The following RBM19 variants were observed in gnomAD, a reference collection of about 807,000 sequenced individuals.
The protein encoded by RBM19 is probable RNA-binding protein 19.
In RBM19, 94 loss-of-function variants were observed where a neutral mutation model predicts 116.8. The observed-to-expected ratio is 0.80, with a 90% CI of 0.68 to 0.95. RBM19 has a LOEUF of 0.95. RBM19 is among the 40% of genes least tolerant of loss of function. The probability of loss-of-function intolerance (pLI) is 0.00; values close to 1 mark genes in which losing one functional copy is unlikely to be tolerated. For missense variants in RBM19, 1,161 were observed against 1,220.7 expected (o/e 0.95, Z 0.73); for synonymous variants, 475 against 494.1 (o/e 0.96, Z 0.51).
chr12:113,951,335 GAT>G (rs577170324), intron 8 of RBM19, among the ~76,000 whole-genome samples: 128 of 152,242 alleles, frequency 8.4e-4, no homozygotes, highest in Admixed American at 5.6e-3. Flanking sequence ...TGACAACTCA[GAT>G]ATGTTTCTTC....
At chr12:113,906,900 C>T (rs979481401) in intron 21 of RBM19, among the ~76,000 whole-genome samples, 4 of 152,054 alleles carry the variant, frequency 2.6e-5, no homozygotes, top group Admixed American at 6.5e-5. Context: ...ATGCAATGCC[C>T]GGTGTCCTTA....
At chr12:113,855,402 T>G (rs1877815053) in intron 22 of RBM19, among the ~76,000 whole-genome samples, 1 of 152,228 alleles carries the variant, frequency 6.6e-6, no homozygotes, top group African/African-American at 2.4e-5. Flanking sequence ...CCTTTCAGCC[T>G]ATCCTGGTCC....
chr12:113,963,841 C>T (rs1872675416), intron 1 of RBM19, among the ~76,000 whole-genome samples: 5 of 152,242 alleles, frequency 3.3e-5, no homozygotes, highest in Non-Finnish European at 2.9e-5. Context: ...ACAAATTTCT[C>T]ACAGCCTTCT....
chr12:113,823,290 C>T lies in RBM19; in HGVS notation c.2817G>A (p.Leu939=). 3 of 1,613,334 alleles carry T rather than the reference C, an allele frequency of 1.9e-6. No homozygotes were observed. Among genetic ancestry groups the T allele is most frequent in the Non-Finnish European group, 2.5e-6 (3 of 1,180,020 alleles). ...CTTCCAGCTGCTCCAGGATCTCGTC[C>T]AACACCACAGACCGCTTTTTCTTCG... ...EPPKKKRSVV[L]DEILEQLEGS... Residue 939 remains leucine (L), a synonymous_variant, in exon 24 of 24, where the codon TTG becomes TTA. Coordinates refer to ENST00000261741, the MANE Select transcript of RBM19 (RefSeq NM_016196.4).
intron 16 of RBM19, among the ~76,000 whole-genome samples, chr12:113,929,988 TG>T (rs1445816713): frequency 6.6e-6 from 1 of 152,250 alleles, no homozygotes; most frequent in Non-Finnish European, 1.5e-5. Flanking sequence ...TTCTTGGCAC[TG>T]GCCAATTGAC....
intron 16 of RBM19, among the ~76,000 whole-genome samples, chr12:113,928,109 G>A (rs867563495): frequency 2.6e-5 from 4 of 152,224 alleles, no homozygotes; most frequent in Non-Finnish European, 4.4e-5. Context: ...GGCGGAGGCA[G>A]GTGGATTACT....
intron 21 of RBM19, among the ~76,000 whole-genome samples, chr12:113,865,811 T>C (rs573820706): frequency 8.1e-4 from 122 of 150,082 alleles, no homozygotes; most frequent in Non-Finnish European, 1.5e-3. Context: ...TTCCAGGCAA[T>C]GAATCATCAC....
chr12:113,874,939 C>T (rs1718659878), intron 21 of RBM19, among the ~76,000 whole-genome samples: 1 of 152,234 alleles, frequency 6.6e-6, no homozygotes, highest in African/African-American at 2.4e-5. Flanking sequence ...CATGAGGGGA[C>T]CACTTTTCCA....
intron 23 of RBM19, among the ~76,000 whole-genome samples, chr12:113,843,095 T>C (rs756441814): frequency 6.6e-6 from 1 of 152,194 alleles, no homozygotes; most frequent in Non-Finnish European, 1.5e-5. Context: ...AGAAGCCCAG[T>C]CGTTTCGCCC....
chr12:113,934,637 G>A (rs930420486), intron 16 of RBM19, among the ~76,000 whole-genome samples: 2 of 152,160 alleles, frequency 1.3e-5, no homozygotes, highest in Admixed American at 6.5e-5. Context: ...GAGCAACACC[G>A]GGGAAAGGAA....
At chr12:113,939,820 T>A (rs1473072891) in intron 15 of RBM19, 140 bp downstream of exon 15, 1 of 836,520 alleles carries the variant, frequency 1.2e-6, no homozygotes, top group East Asian at 2.6e-5. Flanking sequence ...GGGATGATAT[T>A]CAGCCATGAT....
intron 19 of RBM19, among the ~76,000 whole-genome samples, chr12:113,919,487 C>T (rs1251934747): frequency 3.9e-5 from 6 of 152,300 alleles, no homozygotes; most frequent in South Asian, 4.1e-4. Context: ...AGGAGAATGG[C>T]GTGAACCTGG....
In RBM19 at chr12:113,825,971, G is replaced by C. The variant is rs1324233171; in HGVS notation, c.2786-2650C>G. ...CTAAAGCTGTCACGTCGGCTGCCAG[G>C]GCTACTGAGCAGGCCCTGCCACCTC... is the stretch of plus-strand genomic sequence containing the variant. On this transcript the variant is annotated intron_variant, in intron 23 of 23. Transcript: ENST00000261741. The surrounding 1 kb of genome is among the most constrained non-coding windows in gnomAD (Gnocchi z 5.7). Among the ~76,000 whole-genome samples the C allele has an allele frequency of 6.6e-6, 1 of 152,150 alleles. No homozygotes were observed. The highest frequency in any genetic ancestry group is 1.5e-5 in the Non-Finnish European group (1 of 68,014).
In RBM19 at chr12:113,823,008, G is replaced by C. The variant is rs1187057094; in HGVS notation, c.*216C>G. ...GCAGGTGCGCAGTCAGTGTCTGCTA[G>C]AACGCGTCACTGGTGAAACCCAGGA... On this transcript the variant is annotated 3_prime_UTR_variant, in exon 24 of 24. Coordinates refer to ENST00000261741, the MANE Select transcript of RBM19 (RefSeq NM_016196.4). 2 of 567,266 alleles carry C rather than the reference G, an allele frequency of 3.5e-6. No individual in the cohort carries two copies. The highest frequency in any genetic ancestry group is 6.3e-6 in the Non-Finnish European group (2 of 316,180). 35.1% of individuals were successfully genotyped at this position (567,266 alleles called of 1,614,324 possible). A position where few individuals can be genotyped will look rare whatever the true frequency, so the allele number is the denominator to read the frequency against.
chr12:113,899,357 G>A (rs1881536977), intron 21 of RBM19, among the ~76,000 whole-genome samples: 1 of 152,216 alleles, frequency 6.6e-6, no homozygotes, highest in African/African-American at 2.4e-5. Flanking sequence ...CCCTAAGCCA[G>A]GAGTGATACC....
At chr12:113,906,396 A>G (rs1882047161) in intron 21 of RBM19, among the ~76,000 whole-genome samples, 1 of 152,228 alleles carries the variant, frequency 6.6e-6, no homozygotes, top group African/African-American at 2.4e-5. Flanking sequence ...TACAGAAAGT[A>G]CAAAAACAGG....
intron 16 of RBM19, among the ~76,000 whole-genome samples, chr12:113,930,832 T>G (rs568990694): frequency 6.6e-6 from 1 of 152,264 alleles, no homozygotes; most frequent in Non-Finnish European, 1.5e-5. Context: ...TTTAGAGATC[T>G]GCCGGAGAAG....
At chr12:113,934,940 C>T (rs114689843) in intron 16 of RBM19, among the ~76,000 whole-genome samples, 2,476 of 152,290 alleles carry the variant, frequency 0.016, 75 homozygotes, top group African/African-American at 0.056. Flanking sequence ...ACCTGTGAAC[C>T]GAGCTTCCCT....
rs1431122577 is a variant in RBM19, at chr12:113,876,730, A to G, written c.2559-17834T>C. Among the ~76,000 whole-genome samples the G allele has an allele frequency of 2.0e-5, 3 of 152,130 alleles. No homozygotes were observed. In the East Asian group the frequency reaches 5.8e-4, roughly 29 times the overall value. ...TGCTTGAGCCCAGGAGGTTAGAGCT[A>G]CAGTGAGCTGAGATCGTGCCACTGC... On this transcript the variant is annotated intron_variant, in intron 21 of 23. Coordinates refer to ENST00000261741, the MANE Select transcript of RBM19 (RefSeq NM_016196.4).
Sources: allele counts gnomAD v4.1 joint callset (sites outside exome capture counted in the v4.1 genomes callset), GRCh38; gene constraint gnomAD v4.1.1; non-coding constraint Gnocchi (gnomAD v3.1); transcripts MANE v1.5; gene names NCBI Gene and HGNC (gene_info 2026-07-23, HGNC 2026-07-21).